Variants in AHI1 observed in about 807,000 individuals in gnomAD.
AHI1 encodes the protein Abelson helper integration site 1.
In AHI1, 123 loss-of-function variants were observed where a neutral mutation model predicts 149.3. The observed-to-expected ratio is 0.82, with a 90% CI of 0.71 to 0.96. The LOEUF is 0.96. Ranked by LOEUF, AHI1 falls within the 40% of genes least tolerant of loss-of-function variation. The pLI is 0.00. For missense variants in AHI1, 1,439 were observed against 1,422.7 expected (o/e 1.01, Z -0.18); for synonymous variants, 475 against 459.8 (o/e 1.03, Z -0.42).
chr6:135,349,437 T>C (rs887445594), intron 24 of AHI1, among the ~76,000 whole-genome samples: 3 of 152,214 alleles, frequency 2.0e-5, no homozygotes, highest in African/African-American at 7.2e-5. Context: ...GCTGGCTAAA[T>C]TGCACAGATA....
intron 24 of AHI1, among the ~76,000 whole-genome samples, chr6:135,343,879 TAA>T (rs1246053347): frequency 6.6e-6 from 1 of 151,826 alleles, no homozygotes; most frequent in Non-Finnish European, 1.5e-5. Flanking sequence ...AGTGACAAAA[TAA>T]AAAAGTAAAC....
At chr6:135,364,326 G>C (rs1326121922) in intron 23 of AHI1, among the ~76,000 whole-genome samples, 2 of 151,498 alleles carry the variant, frequency 1.3e-5, no homozygotes, top group African/African-American at 4.8e-5. Flanking sequence ...TCACTTCCCA[G>C]ATGTGATGGC....
intron 24 of AHI1, among the ~76,000 whole-genome samples, chr6:135,343,421 G>A (rs1187941258): frequency 1.3e-5 from 2 of 151,706 alleles, no homozygotes; most frequent in Non-Finnish European, 3.0e-5. Context: ...AAATGCAAGG[G>A]ATCTAAAATA....
At chr6:135,306,142 T>A (rs1246242466) in intron 26 of AHI1, among the ~76,000 whole-genome samples, 1 of 152,198 alleles carries the variant, frequency 6.6e-6, no homozygotes, top group African/African-American at 2.4e-5. Context: ...TCTACTACAG[T>A]GCACAGAAAA....
chr6:135,460,632 C>A (rs971553471), intron 8 of AHI1, among the ~76,000 whole-genome samples: 2 of 152,114 alleles, frequency 1.3e-5, no homozygotes, highest in African/African-American at 2.4e-5. Context: ...ATAGCCTAGA[C>A]AATGCAGATG....
chr6:135,380,812 T>C (rs1229138830), intron 23 of AHI1, among the ~76,000 whole-genome samples: 2 of 141,994 alleles, frequency 1.4e-5, no homozygotes, highest in Admixed American at 7.3e-5. Context: ...GTCCATTACA[T>C]TGGTATGGTA....
intron 3 of AHI1, among the ~76,000 whole-genome samples, chr6:135,494,079 G>A (rs569170893): frequency 3.3e-5 from 5 of 152,236 alleles, no homozygotes; most frequent in South Asian, 2.1e-4. Flanking sequence ...AGAAAGAATC[G>A]GAGATAATTC....
intron 26 of AHI1, among the ~76,000 whole-genome samples, chr6:135,306,366 T>C (rs1271722632): frequency 6.6e-6 from 1 of 152,000 alleles, no homozygotes; most frequent in Non-Finnish European, 1.5e-5. Context: ...ATTACAGAAA[T>C]ATAGAGAAAG....
intron 6 of AHI1, 109 bp downstream of exon 6, chr6:135,467,472 T>C (rs1394797854): frequency 2.4e-6 from 2 of 843,940 alleles, no homozygotes; most frequent in South Asian, 1.5e-5. Flanking sequence ...GTTTAACTGA[T>C]GTGTTGAAAA....
intron 21 of AHI1, among the ~76,000 whole-genome samples, chr6:135,406,900 A>G (rs1780873977): frequency 6.6e-6 from 1 of 152,160 alleles, no homozygotes; most frequent in Non-Finnish European, 1.5e-5. Context: ...ACAGATTCTG[A>G]GCAACCCTGG....
chr6:135,321,767 A>T (rs578007820), intron 25 of AHI1, among the ~76,000 whole-genome samples: 2 of 152,184 alleles, frequency 1.3e-5, no homozygotes, highest in Non-Finnish European at 2.9e-5. Context: ...TTCAAAACAC[A>T]GATTGTTCTC....
intron 24 of AHI1, among the ~76,000 whole-genome samples, chr6:135,349,630 T>C (rs1435054693): frequency 6.6e-6 from 1 of 152,188 alleles, no homozygotes; most frequent in Non-Finnish European, 1.5e-5. Flanking sequence ...AACTGCCACA[T>C]TATAACATAA....
At chr6:135,336,840 A>G (rs1414208527) in intron 24 of AHI1, among the ~76,000 whole-genome samples, 1 of 152,186 alleles carries the variant, frequency 6.6e-6, no homozygotes, top group Non-Finnish European at 1.5e-5. Flanking sequence ...CCATTTACTT[A>G]ATGCTTGCTA....
chr6:135,364,323 C>T (rs1442682768), intron 23 of AHI1, among the ~76,000 whole-genome samples: 2 of 151,534 alleles, frequency 1.3e-5, no homozygotes. Context: ...TCCTCACTTC[C>T]CAGATGTGAT....
rs114045101 is a variant in AHI1, at chr6:135,289,946, C to T, written c.3588+477G>A. ...AACACATTTTCCCACTGGCGTATCTCGGTGGAAAAAGTGGCCCACTCTTGA... is the reference window on the plus strand; with the variant it reads ...AACACATTTTCCCACTGGCGTATCTTGGTGGAAAAAGTGGCCCACTCTTGA... On this transcript the variant is annotated intron_variant, in intron 28 of 28. Coordinates refer to ENST00000265602, the MANE Select transcript of AHI1 (RefSeq NM_001134831.2). Among the ~76,000 whole-genome samples the T allele has an allele frequency of 4.4e-3, 662 of 152,074 alleles. 3 individuals are homozygous for T. The highest frequency in any genetic ancestry group is 0.015 in the African/African-American group (621 of 41,472).
chr6:135,488,786 T>G (rs1794837123), intron 5 of AHI1, among the ~76,000 whole-genome samples: 1 of 152,188 alleles, frequency 6.6e-6, no homozygotes, highest in Admixed American at 6.5e-5. Context: ...TAGGACTCCC[T>G]GTTCTTCTTT....
chr6:135,471,016 T>G (rs1426842993), intron 5 of AHI1, among the ~76,000 whole-genome samples: 1 of 152,182 alleles, frequency 6.6e-6, no homozygotes, highest in African/African-American at 2.4e-5. Flanking sequence ...TCCATTATGT[T>G]AAAATGGGGC....
intron 24 of AHI1, among the ~76,000 whole-genome samples, chr6:135,350,485 T>G (rs1344602237): frequency 2.0e-5 from 3 of 152,214 alleles, no homozygotes; most frequent in Non-Finnish European, 1.5e-5. Flanking sequence ...AAGCAGTATC[T>G]ACTGAAGGCC....
chr6:135,379,858 C>G (rs1041621611), intron 23 of AHI1, among the ~76,000 whole-genome samples: 3 of 148,398 alleles, frequency 2.0e-5, no homozygotes, highest in Non-Finnish European at 4.4e-5. Flanking sequence ...CTTACAGCTT[C>G]CTAGCTTCCT....
Sources: allele counts gnomAD v4.1 joint callset (sites outside exome capture counted in the v4.1 genomes callset), GRCh38; gene constraint gnomAD v4.1.1; transcripts MANE v1.5; gene names NCBI Gene and HGNC (gene_info 2026-07-23, HGNC 2026-07-21).